The following ADGRL2 variants were observed in gnomAD, a reference collection of about 807,000 sequenced individuals.
ADGRL2 encodes the protein calcium-independent alpha-latrotoxin receptor 2.
A neutral mutation model predicts 157.4 loss-of-function variants in ADGRL2; 44 were observed. The ratio of observed to expected loss-of-function variants is 0.28; its 90% CI spans 0.22 to 0.36. The LOEUF is 0.36. Ranked by LOEUF, ADGRL2 falls within the 10% of genes least tolerant of loss-of-function variation. The pLI is 1.00. For synonymous variants in ADGRL2, 585 were observed against 624.7 expected, an observed-to-expected ratio of 0.94 and a Z score of 0.95; for missense variants, 1,510 against 1,768.9, an observed-to-expected ratio of 0.85 and a Z score of 2.63.
At position 81,578,061 on chromosome 1, in the gene ADGRL2, G is replaced by C. The variant is rs565677957; in HGVS notation, c.-247-2815G>C. Among the ~76,000 whole-genome samples, 324 of 152,260 alleles carry C rather than the reference G, an allele frequency of 2.1e-3. 1 individual carries two copies. Among genetic ancestry groups the C allele is most frequent in the African/African-American group, 7.4e-3 (309 of 41,540 alleles). On this transcript the variant is annotated intron_variant, in intron 2 of 24. Coordinates refer to the ADGRL2 transcript ENST00000370721. ...TTCATTTCAAGAAATAAATGACACAGGGTATTATATTTTAAGCACCATTAA... is the reference window on the plus strand; with the variant it reads ...TTCATTTCAAGAAATAAATGACACACGGTATTATATTTTAAGCACCATTAA...
intron 1 of ADGRL2, among the ~76,000 whole-genome samples, chr1:81,802,816 G>T (rs1322336859): frequency 6.6e-6 from 1 of 152,148 alleles, no homozygotes; most frequent in Non-Finnish European, 1.5e-5. Flanking sequence ...ACGAGTTTTT[G>T]AGGGTTGCTG....
chr1:81,649,964 C>A (rs1020801647), intron 3 of ADGRL2, among the ~76,000 whole-genome samples: 4 of 151,330 alleles, frequency 2.6e-5, no homozygotes, highest in Non-Finnish European at 4.4e-5. Flanking sequence ...TCATGCTGGG[C>A]TAAGGTGAGA....
intron 3 of ADGRL2, among the ~76,000 whole-genome samples, chr1:81,587,677 G>A (rs1301115077): frequency 2.0e-5 from 3 of 152,132 alleles, no homozygotes; most frequent in Non-Finnish European, 4.4e-5. Flanking sequence ...TGTTTAAGCA[G>A]GGGAGTAACA....
rs189978023 is a variant in ADGRL2, at chr1:81,406,088, C to G, written c.-301-38948C>G. On this transcript the variant is annotated intron_variant, in intron 1 of 24. Transcript: ENST00000370721. ...ACATTAAAGTATTTTGAATATTGCT[C>G]TCTTTACTGAGATCAGAACAAGAGG... is the stretch of plus-strand genomic sequence containing the variant. Among the ~76,000 whole-genome samples the G allele has an allele frequency of 7.9e-5, 12 of 152,132 alleles. No individual in the cohort carries two copies. In the East Asian group the frequency reaches 1.5e-3, roughly 20 times the overall value.
intron 2 of ADGRL2, among the ~76,000 whole-genome samples, chr1:81,874,808 T>G (rs1242680497): frequency 6.6e-6 from 1 of 151,906 alleles, no homozygotes; most frequent in African/African-American, 2.4e-5. Flanking sequence ...TGGGTTCAAG[T>G]GATTCTCCTG....
chr1:81,874,596 T>C (rs896602556), intron 2 of ADGRL2, among the ~76,000 whole-genome samples: 5 of 150,184 alleles, frequency 3.3e-5, no homozygotes, highest in African/African-American at 7.4e-5. Flanking sequence ...TCTGTCTGTC[T>C]TGTCTTGTCT....
chr1:81,599,470 C>T (rs1355283882), intron 3 of ADGRL2, among the ~76,000 whole-genome samples: 1 of 152,098 alleles, frequency 6.6e-6, no homozygotes, highest in East Asian at 1.9e-4. Flanking sequence ...CTTTACCCCA[C>T]CTATTCAACA....
chr1:81,683,494 C>T lies in ADGRL2; in HGVS notation c.-142-78317C>T, dbSNP rs184473906. Among the ~76,000 whole-genome samples, 4 of 152,248 alleles carry T rather than the reference C, an allele frequency of 2.6e-5. No individual in the cohort carries two copies. The East Asian group carries it at 7.7e-4, about 29-fold the overall frequency. ...CCAAAGTCCATCATCATTGTTATGC[C>T]TTTGCGTCCTCATAGCTTAGCTCCC... On this transcript the variant is annotated intron_variant, in intron 3 of 24. Transcript: ENST00000370721.
intron 2 of ADGRL2, among the ~76,000 whole-genome samples, chr1:81,887,075 A>C (rs2094143805): frequency 6.6e-6 from 1 of 152,246 alleles, no homozygotes. Context: ...TGTATGTTTA[A>C]TATGGAATAT....
chr1:81,310,879 G>C (rs1659708233), intron 1 of ADGRL2, among the ~76,000 whole-genome samples: 1 of 150,576 alleles, frequency 6.6e-6, no homozygotes, highest in Non-Finnish European at 1.5e-5. Flanking sequence ...GGAGTGGTGA[G>C]AAGAGAACAG....
intron 1 of ADGRL2, among the ~76,000 whole-genome samples, chr1:81,714,984 C>T (rs990808473): frequency 1.3e-5 from 2 of 151,746 alleles, no homozygotes; most frequent in Admixed American, 1.3e-4. Context: ...CAAGAGTTCT[C>T]TCCTCCCAGT....
At chr1:81,582,055 T>C (rs1263331324) in intron 3 of ADGRL2, among the ~76,000 whole-genome samples, 1 of 151,998 alleles carries the variant, frequency 6.6e-6, no homozygotes, top group Non-Finnish European at 1.5e-5. Flanking sequence ...ACCCTGTCTC[T>C]ACTAAAAATA....
chr1:81,486,552 A>C (rs1193137657), intron 2 of ADGRL2, among the ~76,000 whole-genome samples: 1 of 152,190 alleles, frequency 6.6e-6, no homozygotes, highest in Non-Finnish European at 1.5e-5. Context: ...CTTGAAAAAA[A>C]ACAACTGTAT....
At chr1:81,684,726 T>C (rs2083194545) in intron 3 of ADGRL2, among the ~76,000 whole-genome samples, 1 of 152,190 alleles carries the variant, frequency 6.6e-6, no homozygotes, top group Non-Finnish European at 1.5e-5. Context: ...TCTAGAAGGG[T>C]TTTCCCAATG....
chr1:81,927,412 G>A (rs532770154), intron 3 of ADGRL2, among the ~76,000 whole-genome samples: 1 of 151,740 alleles, frequency 6.6e-6, no homozygotes, highest in African/African-American at 2.4e-5. Context: ...CAATTTCAAG[G>A]ATTTAATCAC....
intron 2 of ADGRL2, among the ~76,000 whole-genome samples, chr1:81,883,151 T>TG (rs1370878749): frequency 6.6e-6 from 1 of 152,168 alleles, no homozygotes; most frequent in Non-Finnish European, 1.5e-5. Flanking sequence ...GAAAGAATTT[T>TG]GGGGGTATGT....
chr1:81,582,150 G>A (rs1480499150), intron 3 of ADGRL2, among the ~76,000 whole-genome samples: 1 of 152,056 alleles, frequency 6.6e-6, no homozygotes, highest in Non-Finnish European at 1.5e-5. Flanking sequence ...AACCCAGGAG[G>A]TGGAGCTTGC....
chr1:81,439,830 C>T (rs978871667), intron 1 of ADGRL2, among the ~76,000 whole-genome samples: 4 of 152,246 alleles, frequency 2.6e-5, no homozygotes, highest in African/African-American at 9.6e-5. Context: ...TTCTTGCTAC[C>T]TGCACTCAGT....
rs2086329510 is a variant in ADGRL2, at chr1:81,770,668, T to C, written c.-101+8816T>C. On this transcript the variant is annotated intron_variant, in intron 2 of 20. Coordinates refer to the ADGRL2 transcript ENST00000359929. ...TTGTATTTTTGGTAGAGATGGGGTT[T>C]CTCCATGTTGGTCAGGCTGGTCTCA... 2.0e-5 allele frequency among the ~76,000 whole-genome samples: 3 copies of C among 150,330 alleles called. No homozygotes were observed. The South Asian group carries it at 6.3e-4, about 32-fold the overall frequency.
Sources: gnomAD v4.1 joint callset for allele counts (sites outside exome capture counted in the v4.1 genomes callset) on GRCh38, gnomAD v4.1.1 for gene constraint, MANE v1.5 for transcripts, NCBI Gene and HGNC (gene_info 2026-07-23, HGNC 2026-07-21) for gene names.